Variants in ANK3 observed in about 807,000 individuals in gnomAD.
ANK3 encodes ankyrin-3.
In ANK3, 57 loss-of-function variants were observed where a neutral mutation model predicts 370.9. The observed-to-expected ratio is 0.15, with a 90% CI of 0.12 to 0.19. ANK3 has a LOEUF of 0.19. Among genes scored for constraint, ANK3 ranks in the 10% least tolerant of loss-of-function variants. ANK3 has a pLI of 1.00. For missense variants in ANK3, 4,439 were observed against 5,302.1 expected, an observed-to-expected ratio of 0.84 and a Z score of 5.06; for synonymous variants, 1,929 against 1,946.3, an observed-to-expected ratio of 0.99 and a Z score of 0.23.
chr10:60,350,536 G>A (rs1305508848), intron 1 of ANK3, among the ~76,000 whole-genome samples: 7 of 152,194 alleles, frequency 4.6e-5, no homozygotes, highest in African/African-American at 1.4e-4. Flanking sequence ...CCCTTAGCCT[G>A]TTCAGGCCAA....
intron 25 of ANK3, among the ~76,000 whole-genome samples, chr10:60,133,017 A>G (rs892613584): frequency 1.3e-5 from 2 of 152,216 alleles, no homozygotes; most frequent in Admixed American, 1.3e-4. Context: ...TAGAGAGTAA[A>G]AAGTAATAAA....
At chr10:60,030,973 G>A (rs2073358207) in intron 43 of ANK3, among the ~76,000 whole-genome samples, 1 of 152,138 alleles carries the variant, frequency 6.6e-6, no homozygotes, top group South Asian at 2.1e-4. Flanking sequence ...AAATGAGGTG[G>A]CTGAGAGAGG....
At chr10:60,152,974 C>T (rs529657644) in intron 23 of ANK3, among the ~76,000 whole-genome samples, 76 of 152,238 alleles carry the variant, frequency 5.0e-4, no homozygotes, top group African/African-American at 1.8e-3. Flanking sequence ...AATTATACTC[C>T]TAGGTTTACA....
intron 1 of ANK3, among the ~76,000 whole-genome samples, chr10:60,624,531 T>C (rs960977465): frequency 2.6e-5 from 4 of 152,140 alleles, no homozygotes; most frequent in Non-Finnish European, 5.9e-5. Context: ...TCTTATAAAC[T>C]GGAACTGTGA....
chr10:60,097,062 G>A (rs1020051378), intron 28 of ANK3, among the ~76,000 whole-genome samples: 1 of 152,210 alleles, frequency 6.6e-6, no homozygotes, highest in African/African-American at 2.4e-5. Context: ...TTTTGGCCAG[G>A]AGGAAGATTG....
intron 15 of ANK3, 106 bp from the exon 16 acceptor site, chr10:60,196,349 C>T: frequency 9.0e-7 from 1 of 1,108,314 alleles, no homozygotes; most frequent in Non-Finnish European, 1.3e-6. Flanking sequence ...GGCATATTTA[C>T]ATTCCGGTTT....
intron 1 of ANK3, among the ~76,000 whole-genome samples, chr10:60,373,568 G>C (rs1021761711): frequency 6.6e-6 from 1 of 152,080 alleles, no homozygotes; most frequent in African/African-American, 2.4e-5. Context: ...AATTTAGGTA[G>C]GAATAAAGCC....
chr10:60,479,694 T>C (rs903024493), intron 2 of ANK3, among the ~76,000 whole-genome samples: 1 of 152,042 alleles, frequency 6.6e-6, no homozygotes, highest in Non-Finnish European at 1.5e-5. Flanking sequence ...ACTCCTATCT[T>C]AGATACCTCT....
intron 1 of ANK3, among the ~76,000 whole-genome samples, chr10:60,647,596 TA>T: frequency 7.2e-6 from 1 of 138,794 alleles, no homozygotes; most frequent in Admixed American, 7.7e-5. Flanking sequence ...TCATAGTGTC[TA>T]AAAACAGTAA....
chr10:60,072,302 G>C lies in ANK3; in HGVS notation c.8579C>G (p.Ala2860Gly), dbSNP rs1402716179. Residue 2860 changes from alanine to glycine, a missense_variant, in exon 37 of 44, where the codon GCC becomes GGC. This residue lies in a region of ANK3 where 1,601 missense variants were observed against 1,731.7 expected (regional missense o/e 0.92). Transcript: ENST00000280772. ...KVFRTWESSG[A>G]TNNKSQKEKL... ...TTCTTTCTGAGACTTATTGTTAGTGGCTCCCGAACTCTCCCATGTTCTAAA... is the reference window on the plus strand; with the variant it reads ...TTCTTTCTGAGACTTATTGTTAGTGCCTCCCGAACTCTCCCATGTTCTAAA... The C allele has an allele frequency of 2.5e-6, 4 of 1,613,892 alleles. No homozygotes were observed. The highest frequency in any genetic ancestry group is 3.4e-6 in the Non-Finnish European group (4 of 1,180,006).
intron 34 of ANK3, among the ~76,000 whole-genome samples, 161 bp from the exon 35 acceptor site, chr10:60,082,337 T>C (rs142813211): frequency 6.6e-6 from 1 of 152,242 alleles, no homozygotes; most frequent in Admixed American, 6.5e-5. Flanking sequence ...TATCAAGAAC[T>C]GTACATCCAT....
At chr10:60,236,069 A>G (rs1178196015) in intron 7 of ANK3, among the ~76,000 whole-genome samples, 1 of 152,232 alleles carries the variant, frequency 6.6e-6, no homozygotes, top group Non-Finnish European at 1.5e-5. Flanking sequence ...GCAAAAAAAC[A>G]TAATGAACTT....
chr10:60,278,560 C>G (rs907479949), intron 4 of ANK3, among the ~76,000 whole-genome samples: 2 of 151,994 alleles, frequency 1.3e-5, no homozygotes, highest in Non-Finnish European at 2.9e-5. Context: ...TTAGTAGAGA[C>G]AGGATTTCAC....
At chr10:60,201,137 A>G (rs572301216) in intron 12 of ANK3, among the ~76,000 whole-genome samples, 79 of 152,378 alleles carry the variant, frequency 5.2e-4, no homozygotes, top group Admixed American at 5.0e-3. Flanking sequence ...CAGATTCCAC[A>G]GGAAACTGGT....
At chr10:60,406,045 T>C in intron 2 of ANK3, among the ~76,000 whole-genome samples, 1 of 152,186 alleles carries the variant, frequency 6.6e-6, no homozygotes, top group African/African-American at 2.4e-5. Context: ...TCTGTTTTCT[T>C]GTGGAAGAAA....
At chr10:60,216,756 G>A (rs1001878100) in intron 8 of ANK3, among the ~76,000 whole-genome samples, 2 of 152,140 alleles carry the variant, frequency 1.3e-5, no homozygotes, top group South Asian at 2.1e-4. Flanking sequence ...CCTGGTTTTG[G>A]TATCAGGATG....
intron 8 of ANK3, among the ~76,000 whole-genome samples, chr10:60,232,658 A>C (rs989096331): frequency 2.0e-5 from 3 of 152,116 alleles, no homozygotes; most frequent in Non-Finnish European, 4.4e-5. Flanking sequence ...AGGTACATAC[A>C]TGGTTTCCAG....
In ANK3 at chr10:60,656,696, A is replaced by T. The variant is rs182704164; in HGVS notation, c.58-41472T>A. On this transcript the variant is annotated intron_variant, in intron 1 of 43. Coordinates refer to the ANK3 transcript ENST00000373827. The stretch of plus-strand genomic sequence containing the variant: ...CACTGCTTCAGCTGTACCCTATACA[A>T]CTTATTTTTTACAAACATTGATATG... Among the ~76,000 whole-genome samples, 27 of 152,276 alleles carry T rather than the reference A, an allele frequency of 1.8e-4. No individual in the cohort carries two copies. In the East Asian group the frequency reaches 5.0e-3, roughly 28 times the overall value.
intron 6 of ANK3, among the ~76,000 whole-genome samples, chr10:60,262,363 T>C (rs72820490): frequency 6.6e-6 from 1 of 152,178 alleles, no homozygotes; most frequent in Non-Finnish European, 1.5e-5. Context: ...TATAGATTCA[T>C]ATTACTGAAC....
Sources: gnomAD v4.1 joint callset for allele counts (sites outside exome capture counted in the v4.1 genomes callset) on GRCh38, gnomAD v4.1.1 for gene constraint, gnomAD v4.1.1 regional missense constraint, MANE v1.5 for transcripts, NCBI Gene and HGNC (gene_info 2026-07-23, HGNC 2026-07-21) for gene names.